Variants in CARS1 observed in about 807,000 individuals in gnomAD.
The protein encoded by CARS1 is cysteinyl-tRNA synthetase 1, also known as cysteine--tRNA ligase, cytoplasmic.
In CARS1, 48 loss-of-function variants were observed where a neutral mutation model predicts 106.2. That is an observed-to-expected ratio of 0.45 (90% confidence interval 0.36 to 0.57). The LOEUF (loss-of-function observed/expected upper bound fraction) is 0.57. Among genes scored for constraint, CARS1 ranks in the 20% least tolerant of loss-of-function variants. The pLI is 0.00. For missense variants in CARS1, 968 were observed against 1,057.2 expected (o/e 0.92, Z 1.17); for synonymous variants, 409 against 403.4 (o/e 1.01, Z -0.17).
rs1285448239 is a variant in CARS1 at position 3,003,889 on chromosome 11, T to C, written c.2218-1289A>G. ...GCTTGGTGAGGTAAGAGTCCCTTGG[T>C]TGGGAAACAGGAGCTACTAGAAGTC... On this transcript the variant is annotated intron_variant, in intron 20 of 22. Transcript: ENST00000380525. The surrounding 1 kb of genome is among the most constrained non-coding windows in gnomAD (Gnocchi z 4.8). 1.3e-5 allele frequency among the ~76,000 whole-genome samples: 2 copies of C among 152,032 alleles called. No individual in the cohort carries two copies. The highest frequency in any genetic ancestry group is 3.9e-4 in the East Asian group (2 of 5,178).
Position 3,022,800 on chromosome 11 carries a change from G to A in CARS1, c.1154-2468C>T, listed in dbSNP as rs1851682204. ...GGTGGGTCATCTTACTTGGCGGAGT[G>A]AGGAGCTGTCATCATCTAGGACCAC... is the stretch of plus-strand genomic sequence containing the variant. On this transcript the variant is annotated intron_variant, in intron 10 of 22. Transcript: ENST00000380525. This position sits in a 1 kb window ranked among gnomAD's most constrained non-coding sequence, Gnocchi z 4.9. Among the ~76,000 whole-genome samples, 1 of 152,126 alleles carries A rather than the reference G, an allele frequency of 6.6e-6. No homozygotes were observed. The highest frequency in any genetic ancestry group is 6.5e-5 in the Admixed American group (1 of 15,270).
chr11:3,025,903 A>G (rs980905481), intron 10 of CARS1, among the ~76,000 whole-genome samples: 9 of 152,168 alleles, frequency 5.9e-5, no homozygotes, highest in African/African-American at 1.9e-4. Context: ...TAAACCTCAC[A>G]TGCTCAGCCA....
rs1165761229 is a variant in CARS1 at position 3,020,174 on chromosome 11, C to T, written c.1266+46G>A. 8.7e-7 allele frequency: 1 copy of T among 1,144,494 alleles called. No individual in the cohort carries two copies. The allele number at this position is 1,144,494 out of a possible 1,614,324, so 70.9% of individuals were successfully genotyped here. On this transcript the variant is annotated intron_variant, in intron 11 of 22. Coordinates refer to ENST00000380525, the MANE Select transcript of CARS1 (RefSeq NM_001014437.3). The surrounding 1 kb of genome is among the most constrained non-coding windows in gnomAD (Gnocchi z 4.6). ...TGGGGGCCTGAGAGTGTGGCTGGCGCCAGTGCCCCTGTCCAAGCCCCACAC... is the reference window on the plus strand; with the variant it reads ...TGGGGGCCTGAGAGTGTGGCTGGCGTCAGTGCCCCTGTCCAAGCCCCACAC...
intron 9 of CARS1, chr11:3,027,961 G>A (rs1852282727): frequency 2.3e-5 from 10 of 430,574 alleles, no homozygotes; most frequent in South Asian, 1.6e-4. Flanking sequence ...CTCGCCCGCA[G>A]TTATCCGGAG....
rs1852436162 is a variant in CARS1 at position 3,029,219 on chromosome 11, T to C, written c.942+84A>G. 6.5e-7 allele frequency: 1 copy of C among 1,531,654 alleles called. No individual in the cohort carries two copies. Among genetic ancestry groups the C allele is most frequent in the South Asian group, 1.1e-5 (1 of 88,386 alleles). The allele number at this position is 1,531,654 out of a possible 1,614,324, so 94.9% of individuals were successfully genotyped here. A position where few individuals can be genotyped will look rare whatever the true frequency, so the allele number is the denominator to read the frequency against. On this transcript the variant is annotated intron_variant, in intron 8 of 22. Transcript: ENST00000380525. This position sits in a 1 kb window ranked among gnomAD's most constrained non-coding sequence, Gnocchi z 5.9. ...GTTCAATGTTGACTTGGCCGCTTAATTGAGCTGGCCTTGCCAAAACAGGAA... is the reference window on the plus strand; with the variant it reads ...GTTCAATGTTGACTTGGCCGCTTAACTGAGCTGGCCTTGCCAAAACAGGAA...
intron 17 of CARS1, among the ~76,000 whole-genome samples, chr11:3,013,309 C>G (rs1047946482): frequency 1.3e-5 from 2 of 152,088 alleles, no homozygotes; most frequent in African/African-American, 4.8e-5. Context: ...TGCGCCACTA[C>G]GCCCAGCTAA....
intron 1 of CARS1, among the ~76,000 whole-genome samples, chr11:3,051,055 T>C (rs1247887007): frequency 6.6e-6 from 1 of 152,200 alleles, no homozygotes; most frequent in East Asian, 1.9e-4. Context: ...CCACCAGTGG[T>C]GGGCTGGCGT....
intron 18 of CARS1, chr11:3,007,245 A>G (rs972715537): frequency 8.5e-6 from 4 of 467,944 alleles, no homozygotes; most frequent in African/African-American, 7.8e-5. Context: ...AGCATAGCAC[A>G]CTGGCCGCCG....
At chr11:3,009,398 A>C (rs1850227072) in intron 18 of CARS1, 1 of 152,166 alleles carries the variant, frequency 6.6e-6, no homozygotes. Context: ...AAATCCAAAG[A>C]GACAGAAGTA....
intron 20 of CARS1, 63 bp downstream of exon 20, chr11:3,005,303 T>C: frequency 8.3e-7 from 1 of 1,210,560 alleles, no homozygotes; most frequent in Non-Finnish European, 1.2e-6. Context: ...AACTATGTAA[T>C]AATCGCAATG....
intron 18 of CARS1, among the ~76,000 whole-genome samples, chr11:3,011,092 A>C (rs563280069): frequency 7.5e-4 from 115 of 152,380 alleles, no homozygotes; most frequent in Non-Finnish European, 1.3e-3. Flanking sequence ...GGCAATGTGC[A>C]GAAAGCAGTG....
chr11:3,018,889 G>T, intron 12 of CARS1, 140 bp from the exon 13 acceptor site: 1 of 1,217,880 alleles, frequency 8.2e-7, no homozygotes, highest in Non-Finnish European at 1.1e-6. Context: ...GGGCTTGGAA[G>T]GACAGCCCAG....
rs534716661 is a variant in CARS1 at position 3,010,729 on chromosome 11, G to A, written c.2068+1466C>T. The stretch of plus-strand genomic sequence containing the variant: ...ACTCTTTCCTGCCCTCCTGCCTCCT[G>A]CTCCACTGTCCCCTGCCCGAAACAG... On this transcript the variant is annotated intron_variant, in intron 18 of 22. Coordinates refer to ENST00000380525, the MANE Select transcript of CARS1 (RefSeq NM_001014437.3). Among the ~76,000 whole-genome samples, 121 of 152,352 alleles carry A rather than the reference G, an allele frequency of 7.9e-4. 1 individual carries two copies. The highest frequency in any genetic ancestry group is 2.6e-3 in the African/African-American group (110 of 41,588).
Position 3,004,417 on chromosome 11 carries a change from G to A in CARS1, c.2217+949C>T, listed in dbSNP as rs2134079591. 6.6e-6 allele frequency among the ~76,000 whole-genome samples: 1 copy of A among 152,272 alleles called. No homozygotes were observed. Among genetic ancestry groups the A allele is most frequent in the East Asian group, 1.9e-4 (1 of 5,188 alleles). On this transcript the variant is annotated intron_variant, in intron 20 of 22. Coordinates refer to ENST00000380525, the MANE Select transcript of CARS1 (RefSeq NM_001014437.3). The surrounding 1 kb of genome is among the most constrained non-coding windows in gnomAD (Gnocchi z 5.2). ...CCATCTATCAATCAACCACCCTGTC[G>A]ATTCTCCTTCCTCAGTTCCTCCCAG...
intron 10 of CARS1, among the ~76,000 whole-genome samples, chr11:3,024,357 T>C (rs1851849122): frequency 1.3e-5 from 2 of 152,236 alleles, no homozygotes; most frequent in Admixed American, 1.3e-4. Context: ...CTAGGAGTTA[T>C]CCAGGAGCAT....
At position 3,001,198 on chromosome 11, in the gene CARS1, G is replaced by C; in HGVS notation, c.2412C>G (p.Ala804=). The C allele has an allele frequency of 6.2e-7, 1 of 1,614,084 alleles. No homozygotes were observed. The highest frequency in any genetic ancestry group is 8.5e-7 in the Non-Finnish European group (1 of 1,180,030). Residue 804 remains alanine (A), a synonymous_variant, in exon 23 of 23, where the codon GCC becomes GCG. Coordinates refer to ENST00000380525, the MANE Select transcript of CARS1 (RefSeq NM_001014437.3). ...CCTCGAAGAGCTTCTTCAGCTTCTT[G>C]GCTTGCCCTTTGCTGAGCTCTTTGC... is the stretch of plus-strand genomic sequence containing the variant. ...MEGKELSKGQ[A]KKLKKLFEAQ...
chr11:3,037,987 C>T lies in CARS1; in HGVS notation c.801+63G>A. On this transcript the variant is annotated intron_variant, in intron 7 of 22. Transcript: ENST00000380525. The surrounding 1 kb of genome is among the most constrained non-coding windows in gnomAD (Gnocchi z 5.9). ...GTGGAATCAATCCGTGCACACAGATCAGTCTATGCACGGCCCGACATTTGA... is the reference window on the plus strand; with the variant it reads ...GTGGAATCAATCCGTGCACACAGATTAGTCTATGCACGGCCCGACATTTGA... The T allele has an allele frequency of 6.9e-7, 1 of 1,458,378 alleles. No individual in the cohort carries two copies. Among genetic ancestry groups the T allele is most frequent in the Non-Finnish European group, 9.5e-7 (1 of 1,058,084 alleles). 90.3% of individuals were successfully genotyped at this position (1,458,378 alleles called of 1,614,324 possible).
At position 3,012,274 on chromosome 11, in the gene CARS1, G is replaced by A. The variant is rs184713827; in HGVS notation, c.1989C>T (p.Leu663=). The change falls in exon 18 of 23, where the codon CTC becomes CTT. Residue 663 remains leucine (L), a splice_region_variant and synonymous_variant. Transcript: ENST00000380525. ...PVGGPGTSLS[L]EATVMPYLQV... Reference sequence around the variant, plus strand: ...GAAGGTAGGGCATGACTGTGGCCTCGAGCTGCGGAAAGAACAGTTTTGGTT... The same window carrying A: ...GAAGGTAGGGCATGACTGTGGCCTCAAGCTGCGGAAAGAACAGTTTTGGTT... 307 of 1,614,038 alleles carry A rather than the reference G, an allele frequency of 1.9e-4. No homozygotes were observed. The East Asian group carries it at 4.2e-3, about 22-fold the overall frequency.
intron 1 of CARS1, among the ~76,000 whole-genome samples, chr11:3,055,293 A>G (rs1818129901): frequency 6.6e-6 from 1 of 152,088 alleles, no homozygotes; most frequent in East Asian, 1.9e-4. Context: ...CCGAGTAGTC[A>G]GGCGCCCGCC....
Sources: allele counts gnomAD v4.1 joint callset (sites outside exome capture counted in the v4.1 genomes callset), GRCh38; gene constraint gnomAD v4.1.1; non-coding constraint Gnocchi (gnomAD v3.1); transcripts MANE v1.5; gene names NCBI Gene and HGNC (gene_info 2026-07-23, HGNC 2026-07-21).